TTC39B: variants seen among roughly 807,000 people sequenced by gnomAD.
TTC39B encodes the protein tetratricopeptide repeat protein 39B.
A neutral mutation model predicts 96.6 loss-of-function variants in TTC39B; 92 were observed. The observed-to-expected ratio is 0.95, with a 90% CI of 0.80 to 1.13. The LOEUF (loss-of-function observed/expected upper bound fraction) is 1.13. Ranked by LOEUF, TTC39B falls within the 50% of genes most tolerant of loss-of-function variation. The pLI, the probability that TTC39B is intolerant of heterozygous loss-of-function variation, is 0.00. For synonymous variants in TTC39B, 367 were observed against 299.4 expected, an observed-to-expected ratio of 1.23 and a Z score of -2.33; for missense variants, 955 against 809.3, an observed-to-expected ratio of 1.18 and a Z score of -2.18.
rs149030565 is a variant in TTC39B at position 15,278,083 on chromosome 9, GTTAA to G, written c.241-10139_241-10136del. 7.6e-3 allele frequency among the ~76,000 whole-genome samples: 1,156 copies of G among 152,286 alleles called. 16 individuals carry two copies. Among genetic ancestry groups the G allele is most frequent in the African/African-American group, 0.026 (1,099 of 41,564 alleles). ...AGAGAGCTAAAAAAGAAATGAAAAG[GTTAA>G]TTAATTATCGGTTATTTAATTTATG... On this transcript the variant is annotated intron_variant, in intron 1 of 19. Coordinates refer to ENST00000512701, the Ensembl canonical transcript of TTC39B.
chr9:15,233,512 C>G (rs1175656399), intron 2 of TTC39B, among the ~76,000 whole-genome samples: 2 of 149,646 alleles, frequency 1.3e-5, no homozygotes, highest in Non-Finnish European at 3.0e-5. Context: ...CACGCCGCCA[C>G]GCCTGACTGG....
At chr9:15,298,190 C>T (rs773644059) in intron 1 of TTC39B, among the ~76,000 whole-genome samples, 1 of 152,186 alleles carries the variant, frequency 6.6e-6, no homozygotes, top group Non-Finnish European at 1.5e-5. Context: ...GAACTTGCAC[C>T]TGTAGTCCCC....
chr9:15,273,962 A>G (rs1280337112), intron 1 of TTC39B, among the ~76,000 whole-genome samples: 1 of 152,206 alleles, frequency 6.6e-6, no homozygotes, highest in Non-Finnish European at 1.5e-5. Context: ...CCACTCCTGT[A>G]AATCAAGATG....
rs1333240448 is a variant in TTC39B at position 15,182,241 on chromosome 9, G to A, written c.1723+66C>T. 3.9e-6 allele frequency: 4 copies of A among 1,018,006 alleles called. No homozygotes were observed. The South Asian group carries it at 4.8e-5, about 12-fold the overall frequency. The allele number at this position is 1,018,006 out of a possible 1,614,324, so 63.1% of individuals were successfully genotyped here. A position where few individuals can be genotyped will look rare whatever the true frequency, so the allele number is the denominator to read the frequency against. On this transcript the variant is annotated intron_variant, in intron 17 of 19. Coordinates refer to ENST00000512701, the Ensembl canonical transcript of TTC39B. Reference sequence around the variant, plus strand: ...ATTAATGTTGGCAGATGTGCACAGGGAAAAGACAGGAGAGCAGTCATGGAG... The same window carrying A: ...ATTAATGTTGGCAGATGTGCACAGGAAAAAGACAGGAGAGCAGTCATGGAG...
chr9:15,234,127 G>A (rs1183488004), intron 2 of TTC39B, among the ~76,000 whole-genome samples: 8 of 147,186 alleles, frequency 5.4e-5, no homozygotes, highest in East Asian at 2.1e-4. Flanking sequence ...CGGCCGCCCC[G>A]TCTGAGAAGT....
chr9:15,177,053 C>T (rs1379582202), intron 18 of TTC39B, among the ~76,000 whole-genome samples: 3 of 152,150 alleles, frequency 2.0e-5, no homozygotes, highest in Admixed American at 1.3e-4. Context: ...ATTATTATCA[C>T]GGTGATGGCA....
intron 2 of TTC39B, among the ~76,000 whole-genome samples, chr9:15,254,449 T>C (rs1382374078): frequency 2.0e-5 from 3 of 152,218 alleles, no homozygotes; most frequent in African/African-American, 2.4e-5. Context: ...TATATGTATA[T>C]ACTATGTTAC....
rs928000474 is a variant in TTC39B, at chr9:15,306,308, G to T, written c.240+776C>A. ...AATAGTCAATAAATCAACAGGTCCG[G>T]CGCGCTAGCCCCTGGGTGCTCAGGC... On this transcript the variant is annotated intron_variant, in intron 1 of 19. Coordinates refer to ENST00000512701, the Ensembl canonical transcript of TTC39B. This position sits in a 1 kb window ranked among gnomAD's most constrained non-coding sequence, Gnocchi z 5.1. Among the ~76,000 whole-genome samples, 5 of 152,216 alleles carry T rather than the reference G, an allele frequency of 3.3e-5. No individual in the cohort carries two copies. The highest frequency in any genetic ancestry group is 1.2e-4 in the African/African-American group (5 of 41,460).
intron 4 of TTC39B, among the ~76,000 whole-genome samples, chr9:15,212,099 C>T (rs1348954222): frequency 6.6e-6 from 1 of 152,184 alleles, no homozygotes; most frequent in East Asian, 1.9e-4. Context: ...ACTTCTTAAG[C>T]TGTATTAATT....
At chr9:15,252,963 AG>A (rs1248337315) in intron 2 of TTC39B, among the ~76,000 whole-genome samples, 3 of 152,250 alleles carry the variant, frequency 2.0e-5, no homozygotes, top group Admixed American at 2.0e-4. Flanking sequence ...GTTATATAAA[AG>A]GAACTTTTCG....
intron 2 of TTC39B, chr9:15,249,925 G>C: frequency 7.8e-7 from 1 of 1,276,862 alleles, no homozygotes; most frequent in Non-Finnish European, 1.0e-6. Flanking sequence ...CACAGATTTA[G>C]AGCAGCTGTA....
intron 2 of TTC39B, among the ~76,000 whole-genome samples, chr9:15,228,640 T>C (rs1821261861): frequency 1.3e-5 from 2 of 152,360 alleles, no homozygotes. Context: ...TCAAGTATTT[T>C]ATTTGTCTTG....
intron 1 of TTC39B, among the ~76,000 whole-genome samples, chr9:15,303,323 A>G (rs1824659000): frequency 6.6e-6 from 1 of 152,120 alleles, no homozygotes; most frequent in South Asian, 2.1e-4. Context: ...AACATTCAAA[A>G]CTGTTATTTT....
intron 2 of TTC39B, among the ~76,000 whole-genome samples, chr9:15,235,023 CAATA>C (rs57091203): frequency 1.4e-5 from 2 of 145,054 alleles, no homozygotes; most frequent in African/African-American, 2.6e-5. Context: ...CAAGAATGAT[CAATA>C]AATAAATAAA....
intron 3 of TTC39B, among the ~76,000 whole-genome samples, chr9:15,221,309 A>T (rs1465137261): frequency 6.6e-6 from 1 of 152,132 alleles, no homozygotes; most frequent in Non-Finnish European, 1.5e-5. Context: ...TGACATGTTT[A>T]CCCAATTATT....
intron 1 of TTC39B, among the ~76,000 whole-genome samples, chr9:15,304,652 TC>T (rs537958762): frequency 1.5e-5 from 2 of 136,108 alleles, no homozygotes; most frequent in African/African-American, 2.7e-5. Flanking sequence ...TTCCCCAACC[TC>T]CCCCCCGACC....
intron 6 of TTC39B, among the ~76,000 whole-genome samples, chr9:15,204,453 C>T (rs186832076): frequency 4.0e-5 from 6 of 150,782 alleles, no homozygotes; most frequent in Admixed American, 2.0e-4. Flanking sequence ...CACTTGAACC[C>T]GGGAGGTGGA....
intron 3 of TTC39B, among the ~76,000 whole-genome samples, chr9:15,220,805 G>A (rs1273721304): frequency 2.0e-5 from 3 of 152,038 alleles, no homozygotes; most frequent in Admixed American, 2.0e-4. Context: ...TTGTAGCATG[G>A]CCCTTTGGTC....
At chr9:15,296,982 G>A (rs1398582577) in intron 1 of TTC39B, among the ~76,000 whole-genome samples, 1 of 152,088 alleles carries the variant, frequency 6.6e-6, no homozygotes, top group East Asian at 1.9e-4. Context: ...GCAAGACCCT[G>A]TCTCTTTAAG....
Sources: allele counts gnomAD v4.1 joint callset (sites outside exome capture counted in the v4.1 genomes callset), GRCh38; gene constraint gnomAD v4.1.1; non-coding constraint Gnocchi (gnomAD v3.1); transcripts MANE v1.5; gene names NCBI Gene and HGNC (gene_info 2026-07-23, HGNC 2026-07-21).